ZNF521: variants seen among roughly 807,000 people sequenced by gnomAD.
ZNF521 encodes the protein LYST-interacting protein 3.
Under a neutral mutation model 105.5 loss-of-function variants are expected in ZNF521, and 14 were observed. That is an observed-to-expected ratio of 0.13 (90% CI 0.09 to 0.21). ZNF521 has a LOEUF of 0.21. Among genes scored for constraint, ZNF521 ranks in the 10% least tolerant of loss-of-function variants. The pLI is 1.00. For missense variants in ZNF521, 1,233 were observed against 1,629.7 expected, an observed-to-expected ratio of 0.76 and a Z score of 4.19; for synonymous variants, 635 against 606.0, an observed-to-expected ratio of 1.05 and a Z score of -0.70.
intron 5 of ZNF521, among the ~76,000 whole-genome samples, chr18:25,104,958 G>A (rs1463705845): frequency 6.6e-6 from 1 of 152,132 alleles, no homozygotes; most frequent in Non-Finnish European, 1.5e-5. Context: ...CTCTGGGACG[G>A]GAAGAGATGT....
intron 2 of ZNF521, among the ~76,000 whole-genome samples, chr18:25,325,102 T>A (rs562504598): frequency 6.6e-6 from 1 of 152,320 alleles, no homozygotes; most frequent in Non-Finnish European, 1.5e-5. Context: ...GCGGGTTCGA[T>A]TATAGCCTAT....
chr18:25,094,913 T>A (rs960514794), intron 5 of ZNF521, among the ~76,000 whole-genome samples: 3 of 152,178 alleles, frequency 2.0e-5, no homozygotes, highest in African/African-American at 4.8e-5. Flanking sequence ...TATTTTTTTT[T>A]AATTGAGGGC....
At chr18:25,253,863 T>TG (rs912009063) in intron 3 of ZNF521, among the ~76,000 whole-genome samples, 2 of 152,090 alleles carry the variant, frequency 1.3e-5, no homozygotes, top group South Asian at 4.1e-4. Context: ...ATAGCAGATG[T>TG]GGGGGGGAAC....
At chr18:25,152,476 C>T (rs2035066449) in intron 5 of ZNF521, among the ~76,000 whole-genome samples, 1 of 141,330 alleles carries the variant, frequency 7.1e-6, no homozygotes, top group South Asian at 2.2e-4. Context: ...GAGACTCGGT[C>T]TCAAAAAAAA....
intron 3 of ZNF521, among the ~76,000 whole-genome samples, chr18:25,261,050 T>C (rs1010707545): frequency 1.3e-5 from 2 of 152,088 alleles, no homozygotes; most frequent in Admixed American, 6.6e-5. Flanking sequence ...GCTTCCAGAG[T>C]GTCACTGCAG....
intron 2 of ZNF521, among the ~76,000 whole-genome samples, chr18:25,335,541 C>A (rs1913826233): frequency 6.6e-6 from 1 of 152,184 alleles, no homozygotes; most frequent in Admixed American, 6.5e-5. Context: ...ATTAAGCGAT[C>A]CCAAAGTGAA....
intron 7 of ZNF521, among the ~76,000 whole-genome samples, chr18:25,063,773 T>C (rs896961245): frequency 6.6e-6 from 1 of 152,192 alleles, no homozygotes; most frequent in African/African-American, 2.4e-5. Flanking sequence ...ACTCTCCTCC[T>C]CTGTGCTTTC....
intron 5 of ZNF521, among the ~76,000 whole-genome samples, chr18:25,147,259 A>C (rs1363941111): frequency 2.0e-5 from 3 of 152,178 alleles, no homozygotes; most frequent in Non-Finnish European, 4.4e-5. Flanking sequence ...ATTTACCTTT[A>C]ATACTGAAGT....
In ZNF521 at chr18:25,250,714, A is replaced by G. The variant is rs563626683; in HGVS notation, c.221-23017T>C. 8.5e-5 allele frequency among the ~76,000 whole-genome samples: 13 copies of G among 152,344 alleles called. No homozygotes were observed. The East Asian group carries it at 2.5e-3, about 29-fold the overall frequency. On this transcript the variant is annotated intron_variant, in intron 3 of 7. Transcript: ENST00000361524. The stretch of plus-strand genomic sequence containing the variant: ...AAGCCATCCTGTTGATATATGAATT[A>G]TACACATTTTACAGGCTTTGGCTTC...
At chr18:25,148,752 C>T (rs2034992508) in intron 5 of ZNF521, among the ~76,000 whole-genome samples, 1 of 152,166 alleles carries the variant, frequency 6.6e-6, no homozygotes, top group South Asian at 2.1e-4. Context: ...AAAAAAAAGT[C>T]TTTTCACTTG....
intron 5 of ZNF521, among the ~76,000 whole-genome samples, chr18:25,120,925 G>A (rs1422175251): frequency 6.6e-6 from 1 of 152,084 alleles, no homozygotes; most frequent in Admixed American, 6.5e-5. Flanking sequence ...TAGACCTGCT[G>A]TTCAGGAAGG....
At chr18:25,162,612 T>A (rs775899744) in intron 5 of ZNF521, among the ~76,000 whole-genome samples, 13 of 152,210 alleles carry the variant, frequency 8.5e-5, no homozygotes, top group Non-Finnish European at 1.8e-4. Context: ...GGCTTGGCCA[T>A]CAGACCAGAC....
At chr18:25,099,241 G>T (rs952617054) in intron 5 of ZNF521, among the ~76,000 whole-genome samples, 2 of 152,146 alleles carry the variant, frequency 1.3e-5, no homozygotes, top group Admixed American at 6.5e-5. Context: ...AATTTCATCA[G>T]AATAAAATGC....
intron 5 of ZNF521, among the ~76,000 whole-genome samples, chr18:25,123,915 T>C (rs2144360862): frequency 6.6e-6 from 1 of 152,298 alleles, no homozygotes; most frequent in East Asian, 1.9e-4. Flanking sequence ...TCATCACCTT[T>C]AGCTTTGTAA....
Position 25,062,596 on chromosome 18 carries a change from G to T in ZNF521, c.*116C>A. ...ACAGTTTGATAATACAAGTTTTATG[G>T]TACAATACAATGTTTCTGAATAATA... On this transcript the variant is annotated 3_prime_UTR_variant, in exon 8 of 8. Coordinates refer to ENST00000361524, the MANE Select transcript of ZNF521 (RefSeq NM_015461.3). 1 of 1,354,926 alleles carries T rather than the reference G, an allele frequency of 7.4e-7. No individual in the cohort carries two copies. Among genetic ancestry groups the T allele is most frequent in the Non-Finnish European group, 1.0e-6 (1 of 976,648 alleles). The allele number at this position is 1,354,926 out of a possible 1,614,324, so 83.9% of individuals were successfully genotyped here.
At chr18:25,115,367 T>A (rs1166695668) in intron 5 of ZNF521, among the ~76,000 whole-genome samples, 1 of 152,234 alleles carries the variant, frequency 6.6e-6, no homozygotes, top group East Asian at 1.9e-4. Context: ...CCCATTGTCT[T>A]AGCCACTTAG....
chr18:25,111,408 T>C (rs1673763447), intron 5 of ZNF521, among the ~76,000 whole-genome samples: 1 of 152,186 alleles, frequency 6.6e-6, no homozygotes, highest in Non-Finnish European at 1.5e-5. Context: ...TTAACGAAAA[T>C]TCTGAGGACT....
intron 5 of ZNF521, among the ~76,000 whole-genome samples, chr18:25,102,591 G>A (rs1348498478): frequency 1.3e-5 from 2 of 151,936 alleles, no homozygotes; most frequent in Non-Finnish European, 2.9e-5. Context: ...CAGTATATGT[G>A]CTCATAGCTC....
At chr18:25,228,043 G>C (rs1906293995) in intron 3 of ZNF521, among the ~76,000 whole-genome samples, 1 of 152,004 alleles carries the variant, frequency 6.6e-6, no homozygotes, top group Non-Finnish European at 1.5e-5. Context: ...TGTTTCTTTT[G>C]TATTCCTTCT....
Sources: allele counts gnomAD v4.1 joint callset (sites outside exome capture counted in the v4.1 genomes callset), GRCh38; gene constraint gnomAD v4.1.1; transcripts MANE v1.5; gene names NCBI Gene and HGNC (gene_info 2026-07-23, HGNC 2026-07-21).